The following EFTUD2 variants were observed in gnomAD, a reference collection of about 807,000 sequenced individuals.
EFTUD2 encodes elongation factor Tu GTP binding domain containing 2.
In EFTUD2, 9 loss-of-function variants were observed where a neutral mutation model predicts 114.3. The observed-to-expected ratio is 0.08, with a 90% CI of 0.05 to 0.14. The LOEUF (loss-of-function observed/expected upper bound fraction) is 0.14. Among genes scored for constraint, EFTUD2 ranks in the 10% least tolerant of loss-of-function variants. The pLI, the probability that EFTUD2 is intolerant of heterozygous loss-of-function variation, is 1.00. For missense variants in EFTUD2, 765 were observed against 1,241.2 expected, an observed-to-expected ratio of 0.62 and a Z score of 5.76; for synonymous variants, 449 against 462.3, an observed-to-expected ratio of 0.97 and a Z score of 0.37.
intron 9 of EFTUD2, 95 bp from the exon 10 acceptor site, chr17:44,876,195 C>A (rs2050945749): frequency 1.4e-6 from 2 of 1,418,600 alleles, no homozygotes; most frequent in Non-Finnish European, 1.9e-6. Flanking sequence ...AACCATGAAG[C>A]CTGGGGAGAA....
intron 20 of EFTUD2, among the ~76,000 whole-genome samples, chr17:44,856,151 A>G (rs2050549023): frequency 6.6e-6 from 1 of 150,480 alleles, no homozygotes; most frequent in Non-Finnish European, 1.5e-5. Flanking sequence ...AAAAAAAAAA[A>G]AAAGCCACAG....
intron 2 of EFTUD2, among the ~76,000 whole-genome samples, chr17:44,893,941 C>T (rs2051328924): frequency 6.6e-6 from 1 of 151,628 alleles, no homozygotes; most frequent in African/African-American, 2.4e-5. Context: ...TGGTGGCACA[C>T]ACCTGTAATC....
At chr17:44,888,348 T>C (rs1270737539) in intron 2 of EFTUD2, among the ~76,000 whole-genome samples, 1 of 152,178 alleles carries the variant, frequency 6.6e-6, no homozygotes, top group Non-Finnish European at 1.5e-5. Context: ...CTAAACATCC[T>C]ACAACACACA....
rs1021007978 is a variant in EFTUD2 at position 44,854,443 on chromosome 17, G to T, written c.2260-87C>A. 4.4e-6 allele frequency: 7 copies of T among 1,573,226 alleles called. No individual in the cohort carries two copies. The highest frequency in any genetic ancestry group is 5.2e-6 in the Non-Finnish European group (6 of 1,152,522). On this transcript the variant is annotated intron_variant, in intron 22 of 27. Transcript: ENST00000426333. The surrounding 1 kb of genome is among the most constrained non-coding windows in gnomAD (Gnocchi z 4.3). ...GAGAAGACAGATGTGCCTGTAAGGG[G>T]ATACTGTCCTTCACCAGAGGACACA...
intron 20 of EFTUD2, among the ~76,000 whole-genome samples, chr17:44,855,305 G>A (rs1567729718): frequency 6.6e-6 from 1 of 152,178 alleles, no homozygotes; most frequent in Non-Finnish European, 1.5e-5. Flanking sequence ...GCTCACCCCT[G>A]TAATCCCGGC....
intron 19 of EFTUD2, 170 bp from the exon 20 acceptor site, chr17:44,857,327 C>T (rs2050574960): frequency 1.8e-6 from 1 of 548,646 alleles, no homozygotes; most frequent in Admixed American, 3.0e-5. Flanking sequence ...CTGTCCAAAT[C>T]ATCACCAAAA....
intron 11 of EFTUD2, among the ~76,000 whole-genome samples, chr17:44,869,902 T>C (rs574991621): frequency 6.6e-6 from 1 of 152,306 alleles, no homozygotes; most frequent in Non-Finnish European, 1.5e-5. Context: ...CTGGATGAAG[T>C]TTATAGAAGT....
At chr17:44,860,960 T>C (rs938307470) in intron 16 of EFTUD2, among the ~76,000 whole-genome samples, 6 of 152,110 alleles carry the variant, frequency 3.9e-5, no homozygotes, top group Admixed American at 6.6e-5. Flanking sequence ...GCAAAACAGA[T>C]ACATTCTAGC....
At chr17:44,880,711 T>G in intron 7 of EFTUD2, 67 bp from the exon 8 acceptor site, 1 of 1,287,164 alleles carries the variant, frequency 7.8e-7, no homozygotes, top group Non-Finnish European at 1.1e-6. Flanking sequence ...TTTTTGGGGC[T>G]CCCCAGTTGC....
chr17:44,857,184 A>C (rs759131015), intron 19 of EFTUD2, 27 bp from the exon 20 acceptor site: 4 of 1,605,732 alleles, frequency 2.5e-6, no homozygotes, highest in Non-Finnish European at 3.4e-6. Flanking sequence ...AAATTACTGA[A>C]GCGAGGTCTA....
At chr17:44,895,645 T>G (rs1009697565) in intron 1 of EFTUD2, among the ~76,000 whole-genome samples, 1 of 152,212 alleles carries the variant, frequency 6.6e-6, no homozygotes, top group Non-Finnish European at 1.5e-5. Flanking sequence ...TATCCAGTCC[T>G]TAATAGAAAA....
At chr17:44,863,592 T>C in intron 15 of EFTUD2, 63 bp downstream of exon 15, 1 of 1,569,644 alleles carries the variant, frequency 6.4e-7, no homozygotes, top group Non-Finnish European at 8.7e-7. Flanking sequence ...TGACCAGAAA[T>C]CAGTATCCCC....
intron 11 of EFTUD2, 45 bp from the exon 12 acceptor site, chr17:44,868,395 G>A (rs17628110): frequency 0.019 from 29,776 of 1,596,564 alleles, 374 homozygotes; most frequent in Non-Finnish European, 0.023. Context: ...GCAAAGTGTC[G>A]TTCAAAATTC....
chr17:44,859,674 A>G, intron 18 of EFTUD2: 1 of 605,514 alleles, frequency 1.7e-6, no homozygotes, highest in Non-Finnish European at 2.9e-6. Flanking sequence ...CTTGTCCTAT[A>G]CCCCCCATCA....
chr17:44,879,699 A>C, intron 8 of EFTUD2, 61 bp from the exon 9 acceptor site: 1 of 1,547,576 alleles, frequency 6.5e-7, no homozygotes, highest in Non-Finnish European at 8.9e-7. Flanking sequence ...ATTAACTGGT[A>C]GGGTGAACTG....
intron 14 of EFTUD2, 105 bp from the exon 15 acceptor site, chr17:44,863,887 T>C: frequency 2.1e-6 from 3 of 1,456,062 alleles, no homozygotes; most frequent in Non-Finnish European, 2.8e-6. Context: ...GTGCGGGGAC[T>C]GATTGTTAGC....
At position 44,872,713 on chromosome 17, in the gene EFTUD2, C is replaced by T. The variant is rs1307679493; in HGVS notation, c.870-143G>A. 3.9e-6 allele frequency: 4 copies of T among 1,022,616 alleles called. No individual in the cohort carries two copies. The African/African-American group carries it at 6.7e-5, about 17-fold the overall frequency. 63.3% of individuals were successfully genotyped at this position (1,022,616 alleles called of 1,614,324 possible). The stretch of plus-strand genomic sequence containing the variant: ...GCAAGACACTCAGTTTTGCCAACAG[C>T]CTGGTCCAAGAAAGTGACATGATGG... On this transcript the variant is annotated intron_variant, in intron 10 of 27. Coordinates refer to ENST00000426333, the MANE Select transcript of EFTUD2 (RefSeq NM_004247.4).
At position 44,849,951 on chromosome 17, in the gene EFTUD2, AATTTC is replaced by A. The variant is rs2050408815; in HGVS notation, c.*1318_*1322del. The A allele has an allele frequency of 4.7e-6, 1 of 212,134 alleles. No homozygotes were observed. The highest frequency in any genetic ancestry group is 9.2e-5 in the South Asian group (1 of 10,918). The allele number at this position is 212,134 out of a possible 1,614,324, so 13.1% of individuals were successfully genotyped here. ...AAATCATGCAACAGAACAGATGTTG[AATTTC>A]TCTTCCTCTTGAGATTAAAAAGCAG... is the stretch of plus-strand genomic sequence containing the variant. On this transcript the variant is annotated 3_prime_UTR_variant, in exon 28 of 28. Coordinates refer to ENST00000426333, the MANE Select transcript of EFTUD2 (RefSeq NM_004247.4).
chr17:44,894,635 T>C (rs550914210), intron 1 of EFTUD2, 110 bp from the exon 2 acceptor site: 1 of 760,032 alleles, frequency 1.3e-6, no homozygotes, highest in African/African-American at 1.7e-5. Flanking sequence ...CCCTTTCACA[T>C]GCCTCCTCTC....
Sources: gnomAD v4.1 joint callset for allele counts (sites outside exome capture counted in the v4.1 genomes callset) on GRCh38, gnomAD v4.1.1 for gene constraint, Gnocchi (gnomAD v3.1) non-coding constraint, MANE v1.5 for transcripts, NCBI Gene and HGNC (gene_info 2026-07-23, HGNC 2026-07-21) for gene names.